The following ENOX1 variants were observed in gnomAD, a reference collection of about 807,000 sequenced individuals.
The protein encoded by ENOX1 is ecto-NOX disulfide-thiol exchanger 1, also known as candidate growth-related and time keeping constitutive hydroquinone (NADH) oxidase.
A neutral mutation model predicts 82.5 loss-of-function variants in ENOX1; 42 were observed. The ratio of observed to expected loss-of-function variants is 0.51; its 90% CI spans 0.40 to 0.66. The LOEUF (loss-of-function observed/expected upper bound fraction) is 0.66, where lower values mean the gene tolerates loss of function less well. Among genes scored for constraint, ENOX1 ranks in the 30% least tolerant of loss-of-function variants. ENOX1 has a pLI of 0.00. For missense variants in ENOX1, 608 were observed against 811.6 expected, an observed-to-expected ratio of 0.75 and a Z score of 3.05; for synonymous variants, 271 against 282.2, an observed-to-expected ratio of 0.96 and a Z score of 0.40.
intron 12 of ENOX1, among the ~76,000 whole-genome samples, chr13:43,289,662 T>C (rs1235636703): frequency 2.6e-5 from 4 of 152,188 alleles, no homozygotes; most frequent in Non-Finnish European, 5.9e-5. Flanking sequence ...GACTTTGGCA[T>C]TGGCAAAGAT....
chr13:43,527,214 G>A (rs1383593652), intron 2 of ENOX1, among the ~76,000 whole-genome samples: 1 of 152,042 alleles, frequency 6.6e-6, no homozygotes, highest in African/African-American at 2.4e-5. Flanking sequence ...GCATAAGGGT[G>A]CCCAGCACAG....
chr13:43,667,843 A>C (rs185617963), intron 1 of ENOX1, among the ~76,000 whole-genome samples: 1 of 152,314 alleles, frequency 6.6e-6, no homozygotes, highest in East Asian at 1.9e-4. Context: ...AGCTACACTA[A>C]AGCCAGTGCT....
At chr13:43,731,413 A>T (rs1019203425) in intron 1 of ENOX1, among the ~76,000 whole-genome samples, 9 of 152,300 alleles carry the variant, frequency 5.9e-5, no homozygotes, top group African/African-American at 1.9e-4. Context: ...TAATATTTTT[A>T]AAAGTTCCTG....
Position 43,523,095 on chromosome 13 carries a change from C to CCCT in ENOX1, c.-218-38944_-218-38943insAGG, listed in dbSNP as rs1566445074. 6.0e-3 allele frequency among the ~76,000 whole-genome samples: 913 copies of CCCT among 152,286 alleles called. 16 individuals are homozygous for CCCT. Among genetic ancestry groups the CCCT allele is most frequent in the African/African-American group, 0.021 (866 of 41,576 alleles). On this transcript the variant is annotated intron_variant, in intron 2 of 16. Transcript: ENST00000690772. ...GTTCAATAGTAATTCCTGACACACA[C>CCCT]CACAGTCCCTCACTCCCATCCTCTG...
chr13:43,514,565 CCT>C (rs2077489340), intron 2 of ENOX1, among the ~76,000 whole-genome samples: 1 of 152,092 alleles, frequency 6.6e-6, no homozygotes, highest in Non-Finnish European at 1.5e-5. Flanking sequence ...AGCCAGCCTT[CCT>C]CTGTTTCCTC....
intron 1 of ENOX1, among the ~76,000 whole-genome samples, chr13:43,680,157 C>A (rs1231500574): frequency 2.6e-5 from 4 of 152,152 alleles, no homozygotes; most frequent in Non-Finnish European, 4.4e-5. Flanking sequence ...GTTTAGTGTT[C>A]CAGTTTTACT....
intron 8 of ENOX1, among the ~76,000 whole-genome samples, chr13:43,348,039 T>A (rs926117272): frequency 1.3e-5 from 2 of 152,228 alleles, no homozygotes; most frequent in African/African-American, 4.8e-5. Flanking sequence ...CCCGCTTCCT[T>A]TGCCAGAGCC....
chr13:43,297,332 CA>C (rs2046334934), intron 12 of ENOX1, among the ~76,000 whole-genome samples: 1 of 151,936 alleles, frequency 6.6e-6, no homozygotes, highest in South Asian at 2.1e-4. Context: ...ACAGAGCAGT[CA>C]ATATGGATGG....
rs1432972574 is a variant in ENOX1, at chr13:43,355,926, C to A, written c.816G>T (p.Lys272Asn). 5 of 1,612,156 alleles carry A rather than the reference C, an allele frequency of 3.1e-6. No homozygotes were observed. Among genetic ancestry groups the A allele is most frequent in the Admixed American group, 1.7e-5 (1 of 59,982 alleles). ...SEHEAALLAE[K>N]LKDDSKFSEA... is the part of the protein sequence containing the mutation. The stretch of plus-strand genomic sequence containing the variant: ...AGCGTGGGTGGCCCATACCTTTCAG[C>A]TTTTCAGCCAGCAGAGCGGCTTCGT... Residue 272 changes from lysine to asparagine, a missense_variant, in exon 8 of 17, where the codon AAG (lysine) becomes AAT (asparagine). Physicochemically the swap from Lys to Asn is moderately conservative, Grantham distance 94. Coordinates refer to ENST00000690772, the MANE Select transcript of ENOX1 (RefSeq NM_001347969.2).
chr13:43,780,761 T>C (rs553996530), intron 1 of ENOX1, among the ~76,000 whole-genome samples: 22 of 152,380 alleles, frequency 1.4e-4, no homozygotes, highest in African/African-American at 5.3e-4. Context: ...CTGGGCTCTA[T>C]CCCTTACATC....
chr13:43,294,856 G>C (rs962917704), intron 12 of ENOX1, among the ~76,000 whole-genome samples: 2 of 152,180 alleles, frequency 1.3e-5, no homozygotes, highest in Non-Finnish European at 2.9e-5. Flanking sequence ...TTATGCTAAA[G>C]AAAGAAGCCC....
chr13:43,753,391 G>A (rs1038172423), intron 1 of ENOX1, among the ~76,000 whole-genome samples: 7 of 152,142 alleles, frequency 4.6e-5, no homozygotes, highest in African/African-American at 1.7e-4. Context: ...ATTCTTGTCA[G>A]ATGTATCCCT....
At chr13:43,722,884 C>T (rs536553850) in intron 1 of ENOX1, among the ~76,000 whole-genome samples, 2 of 152,274 alleles carry the variant, frequency 1.3e-5, no homozygotes, top group African/African-American at 4.8e-5. Context: ...AAATGGCATC[C>T]TCAATTTCAC....
intron 2 of ENOX1, among the ~76,000 whole-genome samples, chr13:43,585,255 G>T (rs984367587): frequency 6.6e-6 from 1 of 152,200 alleles, no homozygotes; most frequent in Admixed American, 6.5e-5. Context: ...GCCTTTAGGA[G>T]CTAGAAGAGG....
intron 8 of ENOX1, among the ~76,000 whole-genome samples, chr13:43,345,473 G>A (rs536007491): frequency 3.3e-5 from 5 of 149,802 alleles, no homozygotes; most frequent in African/African-American, 7.2e-5. Flanking sequence ...ATGGTGTGGC[G>A]GGGGGATAGG....
In ENOX1 at chr13:43,399,423, G is replaced by A. The variant is rs1197465987; in HGVS notation, c.208+12493C>T. 2.6e-5 allele frequency among the ~76,000 whole-genome samples: 4 copies of A among 152,170 alleles called. No homozygotes were observed. The East Asian group carries it at 7.7e-4, about 29-fold the overall frequency. ...AATGGTTGTCACTTCTCCTCCAATA[G>A]GAGATGTCAGGACAAGGGGATCATT... is the stretch of plus-strand genomic sequence containing the variant. On this transcript the variant is annotated intron_variant, in intron 5 of 16. Coordinates refer to ENST00000690772, the MANE Select transcript of ENOX1 (RefSeq NM_001347969.2).
At chr13:43,737,092 C>A (rs2089669382) in intron 1 of ENOX1, among the ~76,000 whole-genome samples, 1 of 152,170 alleles carries the variant, frequency 6.6e-6, no homozygotes, top group Non-Finnish European at 1.5e-5. Context: ...TGCCATTGCA[C>A]CTTATACTTT....
At chr13:43,445,966 G>A (rs1247679284) in intron 3 of ENOX1, among the ~76,000 whole-genome samples, 2 of 152,158 alleles carry the variant, frequency 1.3e-5, no homozygotes, top group Middle Eastern at 3.4e-3. Context: ...AAGCTCCCAC[G>A]AGGAAAACAT....
intron 1 of ENOX1, among the ~76,000 whole-genome samples, chr13:43,772,441 A>G (rs756021470): frequency 8.5e-5 from 13 of 152,140 alleles, no homozygotes; most frequent in Non-Finnish European, 4.4e-5. Flanking sequence ...CCTCCCACCT[A>G]GATGGACTGT....
Sources: allele counts gnomAD v4.1 joint callset (sites outside exome capture counted in the v4.1 genomes callset), GRCh38; gene constraint gnomAD v4.1.1; transcripts MANE v1.5; gene names NCBI Gene and HGNC (gene_info 2026-07-23, HGNC 2026-07-21).